MCPH1: variants seen among roughly 807,000 people sequenced by gnomAD.
MCPH1 encodes microcephalin.
In MCPH1, 104 loss-of-function variants were observed where a neutral mutation model predicts 84.5. The observed-to-expected ratio is 1.23, with a 90% CI of 1.05 to 1.45. The LOEUF (loss-of-function observed/expected upper bound fraction) is 1.45, where lower values mean the gene tolerates loss of function less well. MCPH1 is among the 40% of genes most tolerant of loss of function. The pLI is 0.00. For missense variants in MCPH1, 1,498 were observed against 1,005.7 expected, an observed-to-expected ratio of 1.49 and a Z score of -6.62; for synonymous variants, 514 against 366.8, an observed-to-expected ratio of 1.40 and a Z score of -4.58.
chr8:6,471,232 C>T (rs1177742384), intron 9 of MCPH1, among the ~76,000 whole-genome samples: 1 of 152,160 alleles, frequency 6.6e-6, no homozygotes, highest in East Asian at 1.9e-4. Context: ...TAAAATCAAC[C>T]TGAGGACTTA....
chr8:6,636,335 C>CAAAA (rs56881618), intron 13 of MCPH1, among the ~76,000 whole-genome samples: 1 of 103,060 alleles, frequency 9.7e-6, no homozygotes. Flanking sequence ...GAGACTGTCT[C>CAAAA]AAAAAAAAAA....
chr8:6,506,961 G>T (rs951165513), intron 12 of MCPH1, among the ~76,000 whole-genome samples: 1 of 151,744 alleles, frequency 6.6e-6, no homozygotes, highest in African/African-American at 2.4e-5. Context: ...GTACTGGTGC[G>T]ATCTCGGCTC....
chr8:6,611,101 CAT>C (rs1210320944), intron 12 of MCPH1, among the ~76,000 whole-genome samples: 1 of 147,820 alleles, frequency 6.8e-6, no homozygotes, highest in Non-Finnish European at 1.5e-5. Flanking sequence ...TACACACACA[CAT>C]ACACACACAC....
intron 12 of MCPH1, among the ~76,000 whole-genome samples, chr8:6,612,041 C>T (rs970731741): frequency 2.6e-5 from 4 of 152,150 alleles, no homozygotes; most frequent in African/African-American, 9.7e-5. Context: ...AGATTGGGCA[C>T]GTTCCTCTGG....
chr8:6,445,562 T>C lies in MCPH1; in HGVS notation c.1825+15T>C, dbSNP rs1804224826. The C allele has an allele frequency of 3.2e-6, 5 of 1,561,560 alleles. No homozygotes were observed. Among genetic ancestry groups the C allele is most frequent in the Middle Eastern group, 1.7e-4 (1 of 5,802 alleles). ...ATACAGTGGAAGTATGTGAATCTCC[T>C]TTTCCAAGTCACCTTCGCTAAATAA... On this transcript the variant is annotated intron_variant, in intron 8 of 13. Coordinates refer to ENST00000344683, the MANE Select transcript of MCPH1 (RefSeq NM_024596.5).
intron 12 of MCPH1, among the ~76,000 whole-genome samples, chr8:6,570,429 A>T (rs967086341): frequency 6.6e-6 from 1 of 152,118 alleles, no homozygotes; most frequent in African/African-American, 2.4e-5. Context: ...TCTTTGCCAT[A>T]TGTGTTTTCA....
intron 2 of MCPH1, 60 bp downstream of exon 2, chr8:6,409,430 A>G: frequency 7.3e-7 from 1 of 1,366,974 alleles, no homozygotes; most frequent in Non-Finnish European, 1.0e-6. Flanking sequence ...AAAAAGTTAC[A>G]TTTGCATTTT....
chr8:6,445,551 T>C lies in MCPH1; in HGVS notation c.1825+4T>C. On this transcript the variant is annotated splice_donor_region_variant and intron_variant, in intron 8 of 13. Transcript: ENST00000344683. The stretch of plus-strand genomic sequence containing the variant: ...TTACCCGGAGGATACAGTGGAAGTA[T>C]GTGAATCTCCTTTTCCAAGTCACCT... 1.3e-6 allele frequency: 2 copies of C among 1,575,160 alleles called. No individual in the cohort carries two copies. The highest frequency in any genetic ancestry group is 8.6e-7 in the Non-Finnish European group (1 of 1,163,698).
intron 12 of MCPH1, among the ~76,000 whole-genome samples, chr8:6,586,929 A>G (rs2959782): frequency 0.077 from 11,653 of 152,200 alleles, 483 homozygotes; most frequent in East Asian, 0.2. Context: ...TCTGATGGAA[A>G]CAGCTCTGCT....
At chr8:6,543,808 T>C (rs1822043858) in intron 12 of MCPH1, among the ~76,000 whole-genome samples, 1 of 152,208 alleles carries the variant, frequency 6.6e-6, no homozygotes, top group Admixed American at 6.5e-5. Flanking sequence ...CATATTTTCA[T>C]ATTTATTTAC....
At chr8:6,497,920 G>T (rs1811445584) in intron 11 of MCPH1, among the ~76,000 whole-genome samples, 1 of 152,124 alleles carries the variant, frequency 6.6e-6, no homozygotes, top group African/African-American at 2.4e-5. Flanking sequence ...ACAATAAACT[G>T]AAGAAGTCTG....
chr8:6,599,277 G>A (rs1563170968), intron 12 of MCPH1, among the ~76,000 whole-genome samples: 2 of 152,138 alleles, frequency 1.3e-5, no homozygotes, highest in Admixed American at 1.3e-4. Context: ...AGGAATTATC[G>A]ATACCTTTGG....
At chr8:6,565,914 T>G (rs1826107302) in intron 12 of MCPH1, among the ~76,000 whole-genome samples, 1 of 152,226 alleles carries the variant, frequency 6.6e-6, no homozygotes, top group South Asian at 2.1e-4. Flanking sequence ...CAGCTCTTTG[T>G]AGATTCCTAA....
chr8:6,625,242 C>T (rs1343946756), intron 13 of MCPH1: 2 of 985,344 alleles, frequency 2.0e-6, no homozygotes, highest in African/African-American at 1.7e-5. Context: ...CTCCACCTTG[C>T]TTACCCCACA....
At position 6,576,175 on chromosome 8, in the gene MCPH1, A is replaced by G. The variant is rs546898366; in HGVS notation, c.2215-45279A>G. ...TTCAACCTCAGGAGGGGGTGAAAAA[A>G]GTCCAGGCAGCTCCTGGTGATAGCT... On this transcript the variant is annotated intron_variant, in intron 12 of 13. Transcript: ENST00000344683. Among the ~76,000 whole-genome samples, 20 of 152,236 alleles carry G rather than the reference A, an allele frequency of 1.3e-4. No homozygotes were observed. In the South Asian group the frequency reaches 4.1e-3, roughly 32 times the overall value.
At position 6,534,795 on chromosome 8, in the gene MCPH1, A is replaced by C. The variant is rs191947366; in HGVS notation, c.2214+34866A>C. ...TTTTTAGTGTGTGTGATCTTTCTTAATTCATTCTTTCTCCTTCCTCCCCTG... is the reference window on the plus strand; with the variant it reads ...TTTTTAGTGTGTGTGATCTTTCTTACTTCATTCTTTCTCCTTCCTCCCCTG... On this transcript the variant is annotated intron_variant, in intron 12 of 13. Coordinates refer to ENST00000344683, the MANE Select transcript of MCPH1 (RefSeq NM_024596.5). Among the ~76,000 whole-genome samples, 39 of 152,254 alleles carry C rather than the reference A, an allele frequency of 2.6e-4. No individual in the cohort carries two copies. The East Asian group carries it at 7.5e-3, about 29-fold the overall frequency.
rs367947035 is a variant in MCPH1 at position 6,567,121 on chromosome 8, G to A, written c.2215-54333G>A. Among the ~76,000 whole-genome samples the A allele has an allele frequency of 3.8e-4, 52 of 136,694 alleles. No homozygotes were observed. The East Asian group carries it at 9.7e-3, about 25-fold the overall frequency. The allele number at this position is 136,694 out of a possible 152,430, so 89.7% of individuals were successfully genotyped here. A position where few individuals can be genotyped will look rare whatever the true frequency, so the allele number is the denominator to read the frequency against. On this transcript the variant is annotated intron_variant, in intron 12 of 13. Transcript: ENST00000344683. ...AGGCCATGGATAGTGCACGCGGTGC[G>A]GTGACCGTGTGTGATCGGCAAGGCC...
chr8:6,500,061 G>T, intron 12 of MCPH1, 132 bp downstream of exon 12: 1 of 757,428 alleles, frequency 1.3e-6, no homozygotes. Flanking sequence ...GACATTCACA[G>T]AACTTAACAC....
intron 4 of MCPH1, among the ~76,000 whole-genome samples, chr8:6,432,806 A>C (rs2129554185): frequency 6.6e-6 from 1 of 152,384 alleles, no homozygotes; most frequent in Non-Finnish European, 1.5e-5. Context: ...TAGGTGAACA[A>C]GTGTTCAGCA....
Sources: allele counts gnomAD v4.1 joint callset (sites outside exome capture counted in the v4.1 genomes callset), GRCh38; gene constraint gnomAD v4.1.1; transcripts MANE v1.5; gene names NCBI Gene and HGNC (gene_info 2026-07-23, HGNC 2026-07-21).